RBFOX1: variants seen among roughly 807,000 people sequenced by gnomAD.
RBFOX1 encodes the protein RNA binding fox-1 homolog 1, also known as RNA binding protein fox-1 homolog 1.
Under a neutral mutation model 57.7 loss-of-function variants are expected in RBFOX1, and 8 were observed. The ratio of observed to expected loss-of-function variants is 0.14; its 90% CI spans 0.08 to 0.25. RBFOX1 has a LOEUF of 0.25. Ranked by LOEUF, RBFOX1 falls within the 10% of genes least tolerant of loss-of-function variation. The probability of loss-of-function intolerance (pLI) is 1.00; values close to 1 mark genes in which losing one functional copy is unlikely to be tolerated. For missense variants in RBFOX1, 611 were observed against 548.5 expected (o/e 1.11, Z -1.14); for synonymous variants, 326 against 222.4 (o/e 1.47, Z -4.15).
At chr16:7,425,431 G>A (rs958449875) in intron 4 of RBFOX1, among the ~76,000 whole-genome samples, 4 of 152,070 alleles carry the variant, frequency 2.6e-5, no homozygotes, top group Admixed American at 6.6e-5. Context: ...CTCAAAACCT[G>A]TTCCTACTTG....
intron 3 of RBFOX1, among the ~76,000 whole-genome samples, chr16:6,876,132 A>C (rs372079501): frequency 1.3e-5 from 2 of 152,036 alleles, no homozygotes; most frequent in Admixed American, 1.3e-4. Context: ...GCAGTGAGCC[A>C]TGATTGCACC....
intron 3 of RBFOX1, among the ~76,000 whole-genome samples, chr16:5,637,976 G>C (rs1052359543): frequency 3.7e-4 from 56 of 152,346 alleles, no homozygotes; most frequent in Admixed American, 2.3e-3. Flanking sequence ...TTTCTACTCT[G>C]ATGATGTCGG....
At chr16:6,318,387 G>T (rs2081361535) in intron 2 of RBFOX1, among the ~76,000 whole-genome samples, 1 of 152,328 alleles carries the variant, frequency 6.6e-6, no homozygotes, top group South Asian at 2.1e-4. Flanking sequence ...TTGGCATGAA[G>T]TCTGTTCAAA....
chr16:6,648,665 C>T (rs182224665), intron 2 of RBFOX1, among the ~76,000 whole-genome samples: 1 of 152,114 alleles, frequency 6.6e-6, no homozygotes, highest in Non-Finnish European at 1.5e-5. Flanking sequence ...TAACTGAGGG[C>T]TCTTCCGTGC....
At chr16:7,175,623 A>G in intron 4 of RBFOX1, among the ~76,000 whole-genome samples, 1 of 152,164 alleles carries the variant, frequency 6.6e-6, no homozygotes, top group East Asian at 1.9e-4. Context: ...GTTTGGATCC[A>G]TTATCTCACC....
At chr16:7,057,844 C>T (rs182137412) in intron 4 of RBFOX1, among the ~76,000 whole-genome samples, 51 of 152,068 alleles carry the variant, frequency 3.4e-4, no homozygotes, top group African/African-American at 1.2e-3. Flanking sequence ...CCCGTCTCTG[C>T]TAAAAATACA....
chr16:6,082,146 T>C (rs908455929), intron 1 of RBFOX1, among the ~76,000 whole-genome samples: 2 of 151,572 alleles, frequency 1.3e-5, no homozygotes, highest in African/African-American at 4.8e-5. Flanking sequence ...AAACAACTTA[T>C]GATTTGTTGG....
chr16:5,787,951 T>C (rs1471280802), intron 3 of RBFOX1, among the ~76,000 whole-genome samples: 1 of 152,212 alleles, frequency 6.6e-6, no homozygotes, highest in Non-Finnish European at 1.5e-5. Flanking sequence ...GAGGCAGAGC[T>C]GGGCTCCAGA....
At chr16:6,495,950 A>G (rs1205705478) in intron 2 of RBFOX1, among the ~76,000 whole-genome samples, 2 of 152,224 alleles carry the variant, frequency 1.3e-5, no homozygotes, top group Non-Finnish European at 2.9e-5. Flanking sequence ...AAGGCATTTT[A>G]TATTTCCAAC....
intron 3 of RBFOX1, among the ~76,000 whole-genome samples, chr16:6,864,810 T>C (rs371508224): frequency 7.9e-5 from 12 of 152,074 alleles, no homozygotes; most frequent in South Asian, 4.2e-4. Context: ...GAGAGACATA[T>C]GCTACTTGGG....
At chr16:6,870,047 G>A (rs140464471) in intron 3 of RBFOX1, among the ~76,000 whole-genome samples, 8 of 152,168 alleles carry the variant, frequency 5.3e-5, no homozygotes, top group African/African-American at 9.6e-5. Context: ...CTGGCCCTAC[G>A]AGTTTAAAAA....
chr16:6,838,277 T>C (rs2093250294), intron 3 of RBFOX1, among the ~76,000 whole-genome samples: 1 of 151,862 alleles, frequency 6.6e-6, no homozygotes, highest in African/African-American at 2.4e-5. Context: ...GAAGATGTGG[T>C]GTTTGGTTTT....
chr16:6,493,262 GT>G lies in RBFOX1; in HGVS notation c.-63-161338del, dbSNP rs142279088. On this transcript the variant is annotated intron_variant, in intron 2 of 15. Transcript: ENST00000550418. ...GATTCACAGTTATGTTTTGGTTGAGGTTTGGGGTCAGTATGCTCTTTGGAAT... is the reference window on the plus strand; with the variant it reads ...GATTCACAGTTATGTTTTGGTTGAGGTTGGGGTCAGTATGCTCTTTGGAAT... Among the ~76,000 whole-genome samples, 1,252 of 152,264 alleles carry G rather than the reference GT, an allele frequency of 8.2e-3. 10 individuals are homozygous for G. Among genetic ancestry groups the G allele is most frequent in the Middle Eastern group, 0.048 (14 of 294 alleles).
In RBFOX1 at chr16:7,234,129, C is replaced by G. The variant is rs150130373; in HGVS notation, c.27+182031C>G. Among the ~76,000 whole-genome samples the G allele has an allele frequency of 4.8e-4, 73 of 152,238 alleles. No homozygotes were observed. The East Asian group carries it at 0.011, about 24-fold the overall frequency. On this transcript the variant is annotated intron_variant, in intron 4 of 15. Coordinates refer to ENST00000550418, the MANE Select transcript of RBFOX1 (RefSeq NM_018723.4). ...TGCATTCAGCTCTATTCACAAAGGCCTGTTTTGCTGGCAGACGCTTTTGTC... is the reference window on the plus strand; with the variant it reads ...TGCATTCAGCTCTATTCACAAAGGCGTGTTTTGCTGGCAGACGCTTTTGTC...
chr16:6,993,824 G>C (rs2091878315), intron 3 of RBFOX1, among the ~76,000 whole-genome samples: 2 of 152,138 alleles, frequency 1.3e-5, no homozygotes, highest in South Asian at 2.1e-4. Context: ...TAGTATGCTT[G>C]CATGAACACT....
intron 3 of RBFOX1, among the ~76,000 whole-genome samples, chr16:5,789,057 G>C (rs1435510878): frequency 6.6e-6 from 1 of 152,076 alleles, no homozygotes; most frequent in African/African-American, 2.4e-5. Flanking sequence ...GAATGTCCTG[G>C]AGTCCTTGTG....
At chr16:5,892,694 T>C (rs2151937044) in intron 4 of RBFOX1, among the ~76,000 whole-genome samples, 1 of 152,288 alleles carries the variant, frequency 6.6e-6, no homozygotes, top group Admixed American at 6.5e-5. Context: ...CAGACGGGAT[T>C]CCTAAGTCAA....
intron 3 of RBFOX1, among the ~76,000 whole-genome samples, chr16:5,691,180 A>C (rs1418925545): frequency 6.6e-6 from 1 of 152,240 alleles, no homozygotes; most frequent in Non-Finnish European, 1.5e-5. Context: ...ACATCTTTGT[A>C]ATAAATTTTC....
intron 4 of RBFOX1, among the ~76,000 whole-genome samples, chr16:7,097,406 C>G (rs1220274564): frequency 6.6e-6 from 1 of 152,044 alleles, no homozygotes; most frequent in African/African-American, 2.4e-5. Context: ...TATCAAAGAT[C>G]CCCATCTCCC....
Sources: allele counts gnomAD v4.1 joint callset (sites outside exome capture counted in the v4.1 genomes callset), GRCh38; gene constraint gnomAD v4.1.1; transcripts MANE v1.5; gene names NCBI Gene and HGNC (gene_info 2026-07-23, HGNC 2026-07-21).